The following GLRB variants were observed in gnomAD, a reference collection of about 807,000 sequenced individuals.
The protein encoded by GLRB is glycine receptor beta.
Under a neutral mutation model 54.2 loss-of-function variants are expected in GLRB, and 33 were observed. The ratio of observed to expected loss-of-function variants is 0.61; its 90% CI spans 0.46 to 0.81. The LOEUF (loss-of-function observed/expected upper bound fraction) is 0.81. GLRB is among the 40% of genes least tolerant of loss of function. The pLI, the probability that GLRB is intolerant of heterozygous loss-of-function variation, is 0.00. For missense variants in GLRB, 572 were observed against 584.6 expected (o/e 0.98, Z 0.22); for synonymous variants, 209 against 208.2 (o/e 1.00, Z -0.03).
At chr4:157,088,491 C>G (rs1734491488) in intron 2 of GLRB, among the ~76,000 whole-genome samples, 1 of 151,938 alleles carries the variant, frequency 6.6e-6, no homozygotes, top group Admixed American at 6.6e-5. Context: ...TTTTCCTTAC[C>G]CCTCAGAGGC....
At chr4:157,154,423 CTT>C (rs778002566) in intron 9 of GLRB, among the ~76,000 whole-genome samples, 1,404 of 103,232 alleles carry the variant, frequency 0.014, 10 homozygotes, top group African/African-American at 0.055. Flanking sequence ...CTTCTTTTTC[CTT>C]TTTTTTTTTT....
Position 157,104,942 on chromosome 4 carries a change from A to G in GLRB, c.123-15614A>G, listed in dbSNP as rs141589104. On this transcript the variant is annotated intron_variant, in intron 2 of 9. Transcript: ENST00000264428. ...GATTTTGATTTCTTCTTTTGATTTTATTTAGTTGCATCTTCTTTCTTCTTT... is the reference window on the plus strand; with the variant it reads ...GATTTTGATTTCTTCTTTTGATTTTGTTTAGTTGCATCTTCTTTCTTCTTT... 6.7e-4 allele frequency among the ~76,000 whole-genome samples: 102 copies of G among 151,694 alleles called. 1 individual carries two copies. In the East Asian group the frequency reaches 0.017, roughly 25 times the overall value.
chr4:157,160,332 T>G (rs192872941), intron 9 of GLRB, among the ~76,000 whole-genome samples: 1 of 152,290 alleles, frequency 6.6e-6, no homozygotes, highest in East Asian at 1.9e-4. Flanking sequence ...CTCTGTCTCC[T>G]TCAGTTCTGC....
At position 157,076,203 on chromosome 4, in the gene GLRB, C is replaced by G. The variant is rs1734020162; in HGVS notation, c.-124C>G. The G allele has an allele frequency of 6.7e-6, 1 of 150,362 alleles. No individual in the cohort carries two copies. The highest frequency in any genetic ancestry group is 2.1e-4 in the South Asian group (1 of 4,828). 9.3% of individuals were successfully genotyped at this position (150,362 alleles called of 1,614,324 possible). ...GCGGGCGGCTGGGACGCAGCTGCCC[C>G]CGCTCGGCGCCCGCTGCACCCTTAG... On this transcript the variant is annotated 5_prime_UTR_variant, in exon 1 of 10. Transcript: ENST00000264428.
At chr4:157,137,657 C>T (rs1269021194) in intron 6 of GLRB, among the ~76,000 whole-genome samples, 5 of 151,892 alleles carry the variant, frequency 3.3e-5, no homozygotes, top group South Asian at 2.1e-4. Flanking sequence ...AATAATGTAC[C>T]GAAATGGATC....
chr4:157,088,260 GT>G (rs1180198220), intron 2 of GLRB, among the ~76,000 whole-genome samples: 4 of 151,904 alleles, frequency 2.6e-5, no homozygotes, highest in Non-Finnish European at 5.9e-5. Flanking sequence ...TTTATATCAT[GT>G]TTAACTCTCA....
chr4:157,136,764 A>C, intron 5 of GLRB, 40 bp from the exon 6 acceptor site: 3 of 1,500,048 alleles, frequency 2.0e-6, no homozygotes, highest in Non-Finnish European at 2.8e-6. Flanking sequence ...ATGACAGAGA[A>C]GTATATTAAA....
intron 3 of GLRB, 138 bp downstream of exon 3, chr4:157,120,800 T>A: frequency 2.0e-6 from 1 of 510,210 alleles, no homozygotes; most frequent in Non-Finnish European, 3.7e-6. Flanking sequence ...ATAACAAAAA[T>A]GTCCTTAAGT....
intron 2 of GLRB, among the ~76,000 whole-genome samples, chr4:157,089,262 G>A (rs1000357852): frequency 1.3e-4 from 20 of 151,890 alleles, no homozygotes; most frequent in Non-Finnish European, 5.9e-5. Flanking sequence ...GCATGGGGGA[G>A]GGGGGACACA....
intron 2 of GLRB, among the ~76,000 whole-genome samples, chr4:157,113,613 T>G (rs1449203223): frequency 6.6e-6 from 1 of 151,986 alleles, no homozygotes; most frequent in Non-Finnish European, 1.5e-5. Context: ...ATGCAAAATA[T>G]TTTTTCTTTG....
At chr4:157,080,565 C>T (rs1734187576) in intron 2 of GLRB, among the ~76,000 whole-genome samples, 1 of 152,102 alleles carries the variant, frequency 6.6e-6, no homozygotes. Context: ...TTTCAGATGC[C>T]TTGATTAAGA....
chr4:157,104,903 C>T (rs187714310), intron 2 of GLRB, among the ~76,000 whole-genome samples: 4 of 151,256 alleles, frequency 2.6e-5, no homozygotes, highest in African/African-American at 9.7e-5. Flanking sequence ...TTGTAATGCC[C>T]CTTCTTTCAT....
At chr4:157,113,971 T>C (rs114404059) in intron 2 of GLRB, among the ~76,000 whole-genome samples, 1,720 of 151,992 alleles carry the variant, frequency 0.011, 26 homozygotes, top group Non-Finnish European at 0.011. Flanking sequence ...ATAGGATAAG[T>C]AGGAAAATAC....
intron 2 of GLRB, among the ~76,000 whole-genome samples, chr4:157,093,562 C>G (rs1263973989): frequency 6.6e-6 from 1 of 151,988 alleles, no homozygotes; most frequent in African/African-American, 2.4e-5. Context: ...CGAGACCATC[C>G]TGGCCAACAT....
intron 2 of GLRB, among the ~76,000 whole-genome samples, chr4:157,114,743 T>G (rs1735544804): frequency 6.6e-6 from 1 of 151,834 alleles, no homozygotes; most frequent in Admixed American, 6.6e-5. Flanking sequence ...AGATGGGATT[T>G]ATCGGATGTG....
intron 2 of GLRB, among the ~76,000 whole-genome samples, chr4:157,110,025 C>T (rs1735360264): frequency 6.6e-6 from 1 of 151,912 alleles, no homozygotes; most frequent in African/African-American, 2.4e-5. Context: ...ATGAAATCTT[C>T]AGCCATTGGT....
chr4:157,096,102 A>C (rs1011261923), intron 2 of GLRB, among the ~76,000 whole-genome samples: 8 of 152,172 alleles, frequency 5.3e-5, no homozygotes, highest in African/African-American at 1.9e-4. Context: ...AGAGGAGCTC[A>C]AAGAGGGGAT....
At chr4:157,152,154 G>A (rs1737043624) in intron 8 of GLRB, among the ~76,000 whole-genome samples, 1 of 152,134 alleles carries the variant, frequency 6.6e-6, no homozygotes. Context: ...ACATGGAGCA[G>A]ACCTTCATAC....
At chr4:157,146,521 A>T (rs529237484) in intron 8 of GLRB, among the ~76,000 whole-genome samples, 1 of 152,152 alleles carries the variant, frequency 6.6e-6, no homozygotes, top group South Asian at 2.1e-4. Context: ...AGGTGCTGAT[A>T]AATATTTGAT....
Sources: gnomAD v4.1 joint callset for allele counts (sites outside exome capture counted in the v4.1 genomes callset) on GRCh38, gnomAD v4.1.1 for gene constraint, MANE v1.5 for transcripts, NCBI Gene and HGNC (gene_info 2026-07-23, HGNC 2026-07-21) for gene names.